ADA2: variants seen among roughly 807,000 people sequenced by gnomAD.
ADA2 encodes the protein adenosine deaminase CECR1.
Under a neutral mutation model 44.2 loss-of-function variants are expected in ADA2, and 29 were observed. That is an observed-to-expected ratio of 0.66 (90% confidence interval 0.49 to 0.89). The LOEUF (loss-of-function observed/expected upper bound fraction) is 0.89, where lower values mean the gene tolerates loss of function less well. Among genes scored for constraint, ADA2 ranks in the 40% least tolerant of loss-of-function variants. The pLI, the probability that ADA2 is intolerant of heterozygous loss-of-function variation, is 0.00. For missense variants in ADA2, 637 were observed against 644.8 expected, an observed-to-expected ratio of 0.99 and a Z score of 0.13; for synonymous variants, 215 against 234.9, an observed-to-expected ratio of 0.92 and a Z score of 0.77.
chr22:17,199,446 T>TCCCTCCCCACCTCAATCCTCTTCCCCA, intron 4 of ADA2: 1 of 917,626 alleles, frequency 1.1e-6, no homozygotes, highest in Non-Finnish European at 1.7e-6. Flanking sequence ...CCTCTTCCCC[T>TCCCTCCCCACCTCAATCCTCTTCCCCA]CCACCCACGA....
chr22:17,220,339 C>T (rs560681840), upstream of ADA2, among the ~76,000 whole-genome samples: 5 of 152,204 alleles, frequency 3.3e-5, no homozygotes, highest in South Asian at 6.2e-4. Flanking sequence ...GTACCCAGGA[C>T]GGTCAGAGTC....
At position 17,203,690 on chromosome 22, in the gene ADA2, G is replaced by A. The variant is rs781131295; in HGVS notation, c.626C>T (p.Thr209Ile). The change falls in exon 4 of 10, where the codon ACC becomes ATC. Residue 209 changes from threonine to isoleucine, a missense_variant. Transcript: ENST00000399837. ...GAGACCAGAGATGGTGAAGAAGATG[G>A]TTTCAAATTTCGACCAGACAACATT... is the stretch of plus-strand genomic sequence containing the variant. ...NQNVVWSKFE[T>I]IFFTISGLIH... 2 of 1,614,086 alleles carry A rather than the reference G, an allele frequency of 1.2e-6. No homozygotes were observed. Among genetic ancestry groups the A allele is most frequent in the South Asian group, 2.2e-5 (2 of 91,080 alleles).
In ADA2 at chr22:17,210,180, G is replaced by A. The variant is rs2123717936; in HGVS notation, c.-46-457C>T. ...GCTGGGATTACAGGCGTGAGCCACT[G>A]CACCACCTGGCATTTTTTTTTTTTT... On this transcript the variant is annotated intron_variant, in intron 1 of 9. Coordinates refer to ENST00000399837, the MANE Select transcript of ADA2 (RefSeq NM_001282225.2). Among the ~76,000 whole-genome samples the A allele has an allele frequency of 2.8e-5, 4 of 144,662 alleles. No individual in the cohort carries two copies. The South Asian group carries it at 9.2e-4, about 33-fold the overall frequency. The allele number at this position is 144,662 out of a possible 152,430, so 94.9% of individuals were successfully genotyped here.
intron 4 of ADA2, chr22:17,199,428 T>TCCTCTATCCTCTTCCCCACCCACCCCA: frequency 5.8e-6 from 5 of 867,044 alleles, no homozygotes; most frequent in Non-Finnish European, 9.6e-6. Flanking sequence ...CTCCCTCCCC[T>TCCTCTATCCTCTTCCCCACCCACCCCA]CCTCTATCCT....
At chr22:17,210,193 T>C (rs1350266690) in intron 1 of ADA2, among the ~76,000 whole-genome samples, 2 of 44,828 alleles carry the variant, frequency 4.5e-5, no homozygotes, top group African/African-American at 1.8e-4. Flanking sequence ...CCACCTGGCA[T>C]TTTTTTTTTT....
At chr22:17,188,609 G>C (rs760055375) in intron 6 of ADA2, 162 bp from the exon 7 acceptor site, 27 of 538,118 alleles carry the variant, frequency 5.0e-5, no homozygotes, top group Non-Finnish European at 8.3e-5. Context: ...GCCAGGCGTG[G>C]TGGCTCACAC....
At chr22:17,193,137 TG>T in intron 4 of ADA2, 1 of 1,407,128 alleles carries the variant, frequency 7.1e-7, no homozygotes, top group Non-Finnish European at 9.8e-7. Context: ...CAGAAGTTCC[TG>T]GTCCACAACA....
chr22:17,190,360 T>TCC (rs761037329), intron 5 of ADA2, among the ~76,000 whole-genome samples: 26 of 152,210 alleles, frequency 1.7e-4, no homozygotes, highest in Non-Finnish European at 2.1e-4. Context: ...TTCCCAGCTC[T>TCC]CCCTGCATCT....
intron 7 of ADA2, among the ~76,000 whole-genome samples, chr22:17,185,390 T>A (rs9306252): frequency 6.6e-5 from 10 of 151,698 alleles, no homozygotes; most frequent in South Asian, 2.1e-4. Flanking sequence ...CACTCCAGCC[T>A]GGGGACAGAG....
In ADA2 at chr22:17,207,070, C is replaced by A. The variant is rs778864321; in HGVS notation, c.542+1G>T. ...CATGTGCTTTCTGAACTACTACTCA[C>A]CTGTCATCAAACTCAGTGACGTTCT... is the stretch of plus-strand genomic sequence containing the variant. On this transcript the variant is annotated splice_donor_variant, in intron 3 of 9. Coordinates refer to ENST00000399837, the MANE Select transcript of ADA2 (RefSeq NM_001282225.2). LOFTEE classifies it high-confidence loss of function. 1 of 1,612,956 alleles carries A rather than the reference C, an allele frequency of 6.2e-7. No homozygotes were observed. The highest frequency in any genetic ancestry group is 2.2e-5 in the East Asian group (1 of 44,882).
Position 17,181,869 on chromosome 22 carries a change from T to TC in ADA2, c.1392dup (p.Met465AspfsTer4). The TC allele has an allele frequency of 6.2e-7, 1 of 1,613,740 alleles. No homozygotes were observed. The highest frequency in any genetic ancestry group is 8.5e-7 in the Non-Finnish European group (1 of 1,179,876). ...TTGAGGGTCCTCAGGTCAGCCTTCATCCCCCCAATGCCCATGAAGACCTCA... is the reference window on the plus strand; with the variant it reads ...TTGAGGGTCCTCAGGTCAGCCTTCATCCCCCCCAATGCCCATGAAGACCTCA... On this transcript the variant is annotated frameshift_variant, in exon 9 of 10. Transcript: ENST00000399837. LOFTEE classifies it low-confidence loss of function (END_TRUNC).
chr22:17,182,654 A>G lies in ADA2; in HGVS notation c.1189T>C (p.Tyr397His). 1 of 1,614,190 alleles carries G rather than the reference A, an allele frequency of 6.2e-7. No individual in the cohort carries two copies. The highest frequency in any genetic ancestry group is 8.5e-7 in the Non-Finnish European group (1 of 1,180,026). Residue 397 changes from tyrosine to histidine, a missense_variant, in exon 8 of 10, where the codon TAC becomes CAC. Transcript: ENST00000399837. ...ALSKHPAVRT[Y>H]SWKKDIPIEV... The stretch of plus-strand genomic sequence containing the variant: ...ATGGGGATGTCCTTTTTCCAGGAGT[A>G]AGTCCTGACTGCGGGGTGTTTGCTC...
At chr22:17,201,783 C>T (rs902826316) in intron 4 of ADA2, among the ~76,000 whole-genome samples, 1 of 152,104 alleles carries the variant, frequency 6.6e-6, no homozygotes, top group African/African-American at 2.4e-5. Flanking sequence ...CCTACCAACA[C>T]GGAGCCTGGT....
At chr22:17,203,486 C>T (rs1601454499) in intron 4 of ADA2, 77 bp downstream of exon 4, 3 of 1,187,644 alleles carry the variant, frequency 2.5e-6, no homozygotes, top group East Asian at 4.8e-5. Flanking sequence ...CATGAGCATT[C>T]AGTCTTCTAC....
intron 4 of ADA2, among the ~76,000 whole-genome samples, chr22:17,199,062 T>C (rs2062234123): frequency 6.6e-6 from 1 of 152,132 alleles, no homozygotes; most frequent in South Asian, 2.1e-4. Flanking sequence ...ACCTAGACTC[T>C]CCGTGGCAAA....
At chr22:17,205,858 GT>G (rs1421533510) in intron 3 of ADA2, among the ~76,000 whole-genome samples, 10 of 151,378 alleles carry the variant, frequency 6.6e-5, no homozygotes, top group African/African-American at 2.2e-4. Context: ...CACACCTCTA[GT>G]GTGCTGACAC....
rs140432519 is a variant in ADA2 at position 17,218,324 on chromosome 22, T to C, written c.-47+1032A>G. On this transcript the variant is annotated intron_variant, in intron 1 of 9. Coordinates refer to ENST00000399837, the MANE Select transcript of ADA2 (RefSeq NM_001282225.2). The stretch of plus-strand genomic sequence containing the variant: ...CTCAGTTATTCTGTAGTACATCAGA[T>C]AGCAAAGAAAATTTTAAGAAGGAAC... Among the ~76,000 whole-genome samples the C allele has an allele frequency of 2.6e-5, 4 of 152,272 alleles. No individual in the cohort carries two copies. The East Asian group carries it at 7.7e-4, about 29-fold the overall frequency.
intron 4 of ADA2, among the ~76,000 whole-genome samples, chr22:17,198,103 C>T (rs1312160351): frequency 6.6e-6 from 1 of 151,972 alleles, no homozygotes; most frequent in Non-Finnish European, 1.5e-5. Flanking sequence ...GGGCTGGAGG[C>T]CGACCACATT....
intron 7 of ADA2, among the ~76,000 whole-genome samples, chr22:17,184,163 A>G (rs2062008831): frequency 6.7e-6 from 1 of 149,818 alleles, no homozygotes; most frequent in Non-Finnish European, 1.5e-5. Flanking sequence ...ACAGGGTTTC[A>G]CTGTGTTAGC....
Sources: allele counts gnomAD v4.1 joint callset (sites outside exome capture counted in the v4.1 genomes callset), GRCh38; gene constraint gnomAD v4.1.1; transcripts MANE v1.5; gene names NCBI Gene and HGNC (gene_info 2026-07-23, HGNC 2026-07-21).